The following CPA5 variants were observed in gnomAD, a reference collection of about 807,000 sequenced individuals.
The protein encoded by CPA5 is testicular tissue protein Li 32.
CPA5 carries 38 observed loss-of-function variants against 52.2 expected under a neutral mutation model. That is an observed-to-expected ratio of 0.73 (90% CI 0.56 to 0.95). The LOEUF is 0.95. Among genes scored for constraint, CPA5 ranks in the 40% least tolerant of loss-of-function variants. The pLI is 0.00. For synonymous variants in CPA5, 198 were observed against 213.7 expected (o/e 0.93, Z 0.64); for missense variants, 519 against 566.7 (o/e 0.92, Z 0.86).
chr7:130,363,310 T>C (rs1795895391), intron 9 of CPA5, 109 bp from the exon 10 acceptor site: 2 of 837,934 alleles, frequency 2.4e-6, no homozygotes, highest in Non-Finnish European at 3.8e-6. Context: ...TTCCCTTTGC[T>C]CCTCCCTGCC....
intron 10 of CPA5, among the ~76,000 whole-genome samples, chr7:130,364,842 G>C (rs1795987497): frequency 6.6e-6 from 1 of 152,224 alleles, no homozygotes; most frequent in African/African-American, 2.4e-5. Flanking sequence ...GAGGCCTCCA[G>C]AAAGCTCAGA....
chr7:130,366,754 T>C (rs1446723686), intron 10 of CPA5, among the ~76,000 whole-genome samples: 1 of 152,168 alleles, frequency 6.6e-6, no homozygotes, highest in Admixed American at 6.5e-5. Flanking sequence ...CCTCAACTGA[T>C]GGCACACCCA....
At position 130,362,507 on chromosome 7, in the gene CPA5, A is replaced by G; in HGVS notation, c.604A>G (p.Thr202Ala). The change falls in exon 8 of 13, where the codon ACC becomes GCC. Residue 202 changes from threonine (T) to alanine (A), a missense_variant. Coordinates refer to ENST00000474905, the MANE Select transcript of CPA5 (RefSeq NM_080385.5). ...TGGAATTCACTCCCGGGAGTGGATC[A>G]CCCATGCCACCGGCATCTGGACTGC... ...DTGIHSREWI[T>A]HATGIWTANK... The G allele has an allele frequency of 6.2e-7, 1 of 1,613,500 alleles. No homozygotes were observed.
At position 130,349,997 on chromosome 7, in the gene CPA5, C is replaced by T; in HGVS notation, c.221C>T (p.Ala74Val). ...PQKVDFWRGP[A>V]RPSLPVDMRV... is the part of the protein sequence containing the mutation. ...AAGGTGGACTTCTGGCGTGGCCCAG[C>T]CAGGCCCAGCCTCCCTGTGGATATG... Residue 74 changes from alanine to valine, a missense_variant, in exon 5 of 13, where the codon GCC (alanine) becomes GTC (valine). Physicochemically the swap from Ala to Val is moderately conservative, Grantham distance 64. Coordinates refer to ENST00000474905, the MANE Select transcript of CPA5 (RefSeq NM_080385.5). 6.2e-7 allele frequency: 1 copy of T among 1,613,574 alleles called. No homozygotes were observed. The highest frequency in any genetic ancestry group is 8.5e-7 in the Non-Finnish European group (1 of 1,179,788).
chr7:130,348,666 C>G (rs890881234), intron 4 of CPA5, among the ~76,000 whole-genome samples: 1 of 152,060 alleles, frequency 6.6e-6, no homozygotes, highest in Admixed American at 6.6e-5. Context: ...TGGATCCTGA[C>G]GAAGTTGCAA....
rs782096062 is a variant in CPA5 at position 130,350,251 on chromosome 7, G to A, written c.333+142G>A. 179 of 887,208 alleles carry A rather than the reference G, an allele frequency of 2.0e-4. 1 individual carries two copies. The highest frequency in any genetic ancestry group is 3.2e-5 in the Non-Finnish European group (19 of 590,448). The allele number at this position is 887,208 out of a possible 1,614,324, so 55.0% of individuals were successfully genotyped here. A position where few individuals can be genotyped will look rare whatever the true frequency, so the allele number is the denominator to read the frequency against. ...GCGTGTTTGTGAACATGCTGTGGAA[G>A]GAAGTGAGCCGCACGCTTCTCAGAA... On this transcript the variant is annotated intron_variant, in intron 5 of 12. Transcript: ENST00000474905.
At chr7:130,363,539 T>C (rs530199047) in intron 10 of CPA5, 30 bp downstream of exon 10, 1 of 1,547,138 alleles carries the variant, frequency 6.5e-7, no homozygotes, top group East Asian at 2.3e-5. Context: ...TGGGGCAGGG[T>C]TGGAGAAGAG....
rs540518056 is a variant in CPA5 at position 130,357,320 on chromosome 7, G to GA, written c.334-2267dup. 1.3e-4 allele frequency among the ~76,000 whole-genome samples: 20 copies of GA among 152,280 alleles called. No homozygotes were observed. The East Asian group carries it at 3.9e-3, about 29-fold the overall frequency. On this transcript the variant is annotated intron_variant, in intron 5 of 12. Coordinates refer to ENST00000474905, the MANE Select transcript of CPA5 (RefSeq NM_080385.5). ...GACACCGCTCTTCCTGACGGGGGTG[G>GA]AAGACTCCACAGCAGCCATTAGGGC...
At position 130,368,089 on chromosome 7, in the gene CPA5, C is replaced by A. The variant is rs1299916159; in HGVS notation, c.1123+99C>A. ...TCTAGCTGTGCTGGCCCAAAGCTGC[C>A]TCCCACACTGGATAGAAGGGTGAAC... is the stretch of plus-strand genomic sequence containing the variant. On this transcript the variant is annotated intron_variant, in intron 12 of 12. Coordinates refer to ENST00000474905, the MANE Select transcript of CPA5 (RefSeq NM_080385.5). 3.6e-6 allele frequency: 4 copies of A among 1,123,460 alleles called. No homozygotes were observed. The East Asian group carries it at 9.6e-5, about 27-fold the overall frequency. 69.6% of individuals were successfully genotyped at this position (1,123,460 alleles called of 1,614,324 possible). A position where few individuals can be genotyped will look rare whatever the true frequency, so the allele number is the denominator to read the frequency against.
intron 7 of CPA5, 88 bp from the exon 8 acceptor site, chr7:130,362,350 G>A: frequency 1.2e-6 from 1 of 869,130 alleles, no homozygotes; most frequent in Non-Finnish European, 1.9e-6. Flanking sequence ...AGGCACTGAG[G>A]ATGCCTCAGG....
Position 130,361,204 on chromosome 7 carries a change from T to A in CPA5, c.494T>A (p.Ile165Asn). 1 of 1,614,124 alleles carries A rather than the reference T, an allele frequency of 6.2e-7. No homozygotes were observed. The highest frequency in any genetic ancestry group is 2.2e-5 in the East Asian group (1 of 44,888). The change falls in exon 7 of 13, where the codon ATT becomes AAT. Residue 165 changes from isoleucine (I) to asparagine (N), a missense_variant. Physicochemically the swap from Ile to Asn is moderately radical, Grantham distance 149. Coordinates refer to ENST00000474905, the MANE Select transcript of CPA5 (RefSeq NM_080385.5). ...TCCGATATTGTCTCAAAAATTCAGA[T>A]TGGCAACAGCTTTGAAAACCAGTCC... is the stretch of plus-strand genomic sequence containing the variant. Reference protein sequence around the residue: ...EHSDIVSKIQIGNSFENQSIL... With the variant: ...EHSDIVSKIQNGNSFENQSIL...
chr7:130,349,918 G>C (rs1795022683), intron 4 of CPA5, 57 bp from the exon 5 acceptor site: 1 of 1,569,348 alleles, frequency 6.4e-7, no homozygotes, highest in East Asian at 2.3e-5. Context: ...GTCACCTACA[G>C]GATTGTGTGG....
intron 10 of CPA5, among the ~76,000 whole-genome samples, 194 bp downstream of exon 10, chr7:130,363,703 T>C (rs2117434574): frequency 6.6e-6 from 1 of 152,290 alleles, no homozygotes; most frequent in Non-Finnish European, 1.5e-5. Context: ...AGAGGTTGTG[T>C]GTGTGTGTGT....
chr7:130,371,263 G>A (rs1446635980), downstream of CPA5, among the ~76,000 whole-genome samples: 3 of 152,248 alleles, frequency 2.0e-5, no homozygotes, highest in African/African-American at 4.8e-5. Context: ...TGCATTAGGG[G>A]TTTCAACATG....
In CPA5 at chr7:130,367,532, C is replaced by A. The variant is rs782083876; in HGVS notation, c.999C>A (p.Tyr333Ter). 3.7e-6 allele frequency: 6 copies of A among 1,614,116 alleles called. No homozygotes were observed. Among genetic ancestry groups the A allele is most frequent in the Non-Finnish European group, 5.1e-6 (6 of 1,180,014 alleles). Residue 333 changes from tyrosine to a stop codon, truncating the protein, a stop_gained, in exon 11 of 13, where the codon TAC (tyrosine) becomes TAA (stop). Coordinates refer to ENST00000474905, the MANE Select transcript of CPA5 (RefSeq NM_080385.5). LOFTEE classifies it high-confidence loss of function. Reference sequence around the variant, plus strand: ...ACTCTCAGATGCTTATGTACCCTTACGGCCGATTGCTGGAGCCCGTTTCAA... The same window carrying A: ...ACTCTCAGATGCTTATGTACCCTTAAGGCCGATTGCTGGAGCCCGTTTCAA... Reference protein sequence around the residue: ...HSYSQMLMYPYGRLLEPVSNQ... With the variant: ...HSYSQMLMYP
At position 130,367,913 on chromosome 7, in the gene CPA5, T is replaced by C. The variant is rs1796189311; in HGVS notation, c.1046T>C (p.Leu349Pro). The C allele has an allele frequency of 6.2e-7, 1 of 1,614,082 alleles. No homozygotes were observed. Among genetic ancestry groups the C allele is most frequent in the African/African-American group, 1.3e-5 (1 of 74,942 alleles). The stretch of plus-strand genomic sequence containing the variant: ...GCCAATGTCATCTTGCAGTACGATC[T>C]TGCCAAGGATGCGGTGGAGGCCTTG... The part of the protein sequence containing the change: ...PVSNQRELYD[L>P]AKDAVEALYK... The change falls in exon 12 of 13, where the codon CTT becomes CCT. Residue 349 changes from leucine (L) to proline (P), a missense_variant. By Grantham distance (98) the Leu-to-Pro change is moderately conservative. Coordinates refer to ENST00000474905, the MANE Select transcript of CPA5 (RefSeq NM_080385.5).
chr7:130,356,653 T>C (rs934957722), intron 5 of CPA5, among the ~76,000 whole-genome samples: 1 of 152,230 alleles, frequency 6.6e-6, no homozygotes, highest in African/African-American at 2.4e-5. Context: ...TATTTGCAGT[T>C]TGGTGCTGAC....
intron 2 of CPA5, 82 bp from the exon 3 acceptor site, chr7:130,346,311 A>C: frequency 2.0e-6 from 1 of 494,564 alleles, no homozygotes; most frequent in Non-Finnish European, 3.6e-6. Context: ...TGGGTTGGGG[A>C]GGGGCAGCCC....
chr7:130,347,316 G>A lies in CPA5; in HGVS notation c.117-450G>A, dbSNP rs560740849. Among the ~76,000 whole-genome samples the A allele has an allele frequency of 7.9e-5, 12 of 152,348 alleles. No individual in the cohort carries two copies. In the South Asian group the frequency reaches 8.3e-4, roughly 11 times the overall value. ...GTGAGGTTGTCTGATCTCACCTTCC[G>A]GGCGTCGAGACAGACCATGGCCTTG... On this transcript the variant is annotated intron_variant, in intron 3 of 12. Coordinates refer to ENST00000474905, the MANE Select transcript of CPA5 (RefSeq NM_080385.5).
Sources: gnomAD v4.1 joint callset for allele counts (sites outside exome capture counted in the v4.1 genomes callset) on GRCh38, gnomAD v4.1.1 for gene constraint, MANE v1.5 for transcripts, NCBI Gene and HGNC (gene_info 2026-07-23, HGNC 2026-07-21) for gene names.